Variants in ARGFX observed in about 807,000 individuals in gnomAD.
ARGFX encodes the protein arginine-fifty homeobox.
Under a neutral mutation model 8.0 loss-of-function variants are expected in ARGFX, and 10 were observed. That is an observed-to-expected ratio of 1.25 (90% CI 0.77 to 2.12). ARGFX has a LOEUF of 2.12. Ranked by LOEUF, ARGFX falls within the 30% of genes most tolerant of loss-of-function variation. The pLI is 0.00. For synonymous variants in ARGFX, 116 were observed against 117.8 expected (o/e 0.98, Z 0.10); for missense variants, 282 against 324.3 (o/e 0.87, Z 1.00).
rs1176519609 is a variant in ARGFX at position 121,589,772 on chromosome 3, A to G, written c.*3172A>G. Among the ~76,000 whole-genome samples the G allele has an allele frequency of 7.9e-5, 12 of 152,236 alleles. No homozygotes were observed. Among genetic ancestry groups the G allele is most frequent in the South Asian group, 2.1e-4 (1 of 4,832 alleles). The stretch of plus-strand genomic sequence containing the variant: ...ACTTTGAACTTAAATATACTTAACA[A>G]CATATACCAAAAATATATGAGGCAA... On this transcript the variant is annotated 3_prime_UTR_variant, in exon 5 of 5. Transcript: ENST00000334384.
Position 121,576,884 on chromosome 3 carries a change from A to C in ARGFX, c.204A>C (p.Arg68=), listed in dbSNP as rs2048741720. The change falls in exon 3 of 5, where the codon CGA becomes CGC. Residue 68 remains arginine (R), a synonymous_variant. Coordinates refer to ENST00000334384, the MANE Select transcript of ARGFX (RefSeq NM_001012659.2). ...CTGATCCTCCCACCTCAGCCTCCCG[A>C]GTAGCTGCGACTACAGGTGCGTGCC... The part of the protein sequence containing the change: ...GSTDPPTSAS[R]VAATTAIRRR... 2.7e-6 allele frequency: 1 copy of C among 376,658 alleles called. No homozygotes were observed. Among genetic ancestry groups the C allele is most frequent in the African/African-American group, 2.2e-5 (1 of 45,374 alleles). 23.3% of individuals were successfully genotyped at this position (376,658 alleles called of 1,614,324 possible).
Position 121,586,652 on chromosome 3 carries a change from T to G in ARGFX, c.*52T>G, listed in dbSNP as rs1308096193. On this transcript the variant is annotated 3_prime_UTR_variant, in exon 5 of 5. Coordinates refer to ENST00000334384, the MANE Select transcript of ARGFX (RefSeq NM_001012659.2). ...TTAGAAAAGTGGTCTTCTTGCCTCT[T>G]GTACATGACTGTTTTTTTCCTTTGT... is the stretch of plus-strand genomic sequence containing the variant. 4 of 1,402,992 alleles carry G rather than the reference T, an allele frequency of 2.9e-6. No individual in the cohort carries two copies. Among genetic ancestry groups the G allele is most frequent in the Non-Finnish European group, 3.9e-6 (4 of 1,029,704 alleles). The allele number at this position is 1,402,992 out of a possible 1,614,324, so 86.9% of individuals were successfully genotyped here.
At chr3:121,577,259 A>ATATATATATTTTTT (rs1403064031) in intron 3 of ARGFX, among the ~76,000 whole-genome samples, 13 of 59,612 alleles carry the variant, frequency 2.2e-4, no homozygotes, top group African/African-American at 8.1e-4. Flanking sequence ...ATATATATAT[A>ATATATATATTTTTT]TTTTTTTTTT....
At chr3:121,581,762 G>C (rs1413716235) in intron 3 of ARGFX, among the ~76,000 whole-genome samples, 1 of 152,034 alleles carries the variant, frequency 6.6e-6, no homozygotes, top group Non-Finnish European at 1.5e-5. Flanking sequence ...AAATTAGCCA[G>C]GCATGGTGTG....
At chr3:121,581,772 G>A (rs551131880) in intron 3 of ARGFX, among the ~76,000 whole-genome samples, 2 of 151,970 alleles carry the variant, frequency 1.3e-5, no homozygotes, top group African/African-American at 4.8e-5. Flanking sequence ...GGCATGGTGT[G>A]TGCACCTCTA....
Position 121,580,602 on chromosome 3 carries a change from A to ATT in ARGFX, c.220+3703_220+3704insTT, listed in dbSNP as rs1198950517. ...TGTGTGTGTGTGTGTGTGTATATAT[A>ATT]TATATTTTTTTTTTTTTTTTGAGAT... On this transcript the variant is annotated intron_variant, in intron 3 of 4. Coordinates refer to ENST00000334384, the MANE Select transcript of ARGFX (RefSeq NM_001012659.2). Among the ~76,000 whole-genome samples the ATT allele has an allele frequency of 6.8e-5, 6 of 87,718 alleles. No individual in the cohort carries two copies. The East Asian group carries it at 2.1e-3, about 31-fold the overall frequency. 57.5% of individuals were successfully genotyped at this position (87,718 alleles called of 152,430 possible).
At chr3:121,571,729 A>AT (rs1486778297) in intron 2 of ARGFX, among the ~76,000 whole-genome samples, 1 of 120,468 alleles carries the variant, frequency 8.3e-6, no homozygotes, top group East Asian at 2.8e-4. Flanking sequence ...ATGCCCGGCA[A>AT]ATTTTTTTTT....
Position 121,587,286 on chromosome 3 carries a change from C to T in ARGFX, c.*686C>T, listed in dbSNP as rs1482254655. On this transcript the variant is annotated 3_prime_UTR_variant, in exon 5 of 5. Coordinates refer to ENST00000334384, the MANE Select transcript of ARGFX (RefSeq NM_001012659.2). The stretch of plus-strand genomic sequence containing the variant: ...AGGCTGGTCTTGAACTCCTGACCTC[C>T]AGTGATCCGCCTGCCTTGACCTCCC... Among the ~76,000 whole-genome samples, 1 of 151,754 alleles carries T rather than the reference C, an allele frequency of 6.6e-6. No homozygotes were observed. The highest frequency in any genetic ancestry group is 1.5e-5 in the Non-Finnish European group (1 of 67,940).
In ARGFX at chr3:121,586,629, A is replaced by G. The variant is rs1012315731; in HGVS notation, c.*29A>G. On this transcript the variant is annotated 3_prime_UTR_variant, in exon 5 of 5. Coordinates refer to ENST00000334384, the MANE Select transcript of ARGFX (RefSeq NM_001012659.2). ...GAGTACTAATAAATATAGATCATTT[A>G]GAAAAGTGGTCTTCTTGCCTCTTGT... 6.5e-7 allele frequency: 1 copy of G among 1,549,884 alleles called. No individual in the cohort carries two copies. The highest frequency in any genetic ancestry group is 1.4e-5 in the African/African-American group (1 of 72,566).
chr3:121,569,221 A>AAG (rs774641451), intron 1 of ARGFX, among the ~76,000 whole-genome samples: 5 of 152,184 alleles, frequency 3.3e-5, no homozygotes, highest in Admixed American at 6.6e-5. Flanking sequence ...GAAGTGTAAG[A>AAG]AGAAAATCTG....
intron 3 of ARGFX, among the ~76,000 whole-genome samples, chr3:121,577,345 C>T (rs545777008): frequency 4.7e-4 from 70 of 149,508 alleles, no homozygotes; most frequent in Admixed American, 1.1e-3. Flanking sequence ...CCTCCACCTC[C>T]TGGGTTCAAG....
chr3:121,573,240 C>T (rs2048718512), intron 2 of ARGFX, among the ~76,000 whole-genome samples: 2 of 152,044 alleles, frequency 1.3e-5, no homozygotes, highest in South Asian at 4.2e-4. Flanking sequence ...CAGCACTTTG[C>T]AAGGCCGAGA....
At chr3:121,581,086 G>C (rs1039747964) in intron 3 of ARGFX, among the ~76,000 whole-genome samples, 2 of 151,836 alleles carry the variant, frequency 1.3e-5, no homozygotes, top group African/African-American at 4.8e-5. Flanking sequence ...AGCGACTCTC[G>C]TGCCTCAAGT....
chr3:121,582,481 T>C (rs1043446728), intron 3 of ARGFX, among the ~76,000 whole-genome samples: 2 of 152,130 alleles, frequency 1.3e-5, no homozygotes, highest in African/African-American at 2.4e-5. Flanking sequence ...GGATTTCACA[T>C]ATATATATGA....
chr3:121,576,110 CT>C (rs143050253), intron 2 of ARGFX, among the ~76,000 whole-genome samples: 137 of 148,096 alleles, frequency 9.3e-4, no homozygotes, highest in African/African-American at 2.4e-3. Context: ...AAATTTTCTC[CT>C]TTTTTTTTTC....
rs1356360204 is a variant in ARGFX, at chr3:121,590,051, G to C, written c.*3451G>C. Among the ~76,000 whole-genome samples the C allele has an allele frequency of 6.6e-5, 10 of 151,998 alleles. No individual in the cohort carries two copies. Among genetic ancestry groups the C allele is most frequent in the Non-Finnish European group, 1.3e-4 (9 of 68,002 alleles). ...AGCTAGATTGACCACCCCCTCAAAAGACTCAAATTACTAGAATCAGAAACA... is the reference window on the plus strand; with the variant it reads ...AGCTAGATTGACCACCCCCTCAAAACACTCAAATTACTAGAATCAGAAACA... On this transcript the variant is annotated 3_prime_UTR_variant, in exon 5 of 5. Coordinates refer to ENST00000334384, the MANE Select transcript of ARGFX (RefSeq NM_001012659.2).
chr3:121,568,830 C>G (rs1393866251), intron 1 of ARGFX, among the ~76,000 whole-genome samples: 6 of 152,180 alleles, frequency 3.9e-5, no homozygotes, highest in Admixed American at 2.0e-4. Context: ...TACTGAAGAA[C>G]AGATGCTTAG....
rs1377618184 is a variant in ARGFX at position 121,590,553 on chromosome 3, C to T, written c.*3953C>T. On this transcript the variant is annotated 3_prime_UTR_variant, in exon 5 of 5. Coordinates refer to ENST00000334384, the MANE Select transcript of ARGFX (RefSeq NM_001012659.2). ...TGAAGGCCCTGGCCAGGTGTGGCCC[C>T]TCCATCTTCCGTCTGAGACTGGAAG... Among the ~76,000 whole-genome samples, 1 of 152,056 alleles carries T rather than the reference C, an allele frequency of 6.6e-6. No individual in the cohort carries two copies. The highest frequency in any genetic ancestry group is 1.5e-5 in the Non-Finnish European group (1 of 68,022).
Position 121,586,050 on chromosome 3 carries a change from T to TGAA in ARGFX, c.403_405dup (p.Lys135dup). 1.3e-6 allele frequency: 2 copies of TGAA among 1,585,864 alleles called. No homozygotes were observed. The highest frequency in any genetic ancestry group is 1.7e-6 in the Non-Finnish European group (2 of 1,167,800). ...TGGTTCAGGAACCGGCGATTCAAATTGAAGAAGCAGCAGCAGCAGCAATCA... is the reference window on the plus strand; with the variant it reads ...TGGTTCAGGAACCGGCGATTCAAATTGAAGAAGAAGCAGCAGCAGCAGCAATCA... On this transcript the variant is annotated inframe_insertion, in exon 5 of 5. Transcript: ENST00000334384.
Sources: allele counts gnomAD v4.1 joint callset (sites outside exome capture counted in the v4.1 genomes callset), GRCh38; gene constraint gnomAD v4.1.1; transcripts MANE v1.5; gene names NCBI Gene and HGNC (gene_info 2026-07-23, HGNC 2026-07-21).